AFF2: variants seen among roughly 807,000 people sequenced by gnomAD.
AFF2 encodes the protein AF4/FMR2 family member 2.
A neutral mutation model predicts 76.9 loss-of-function variants in AFF2; 14 were observed. That is an observed-to-expected ratio of 0.18 (90% CI 0.12 to 0.28). The LOEUF (loss-of-function observed/expected upper bound fraction) is 0.28. Ranked by LOEUF, AFF2 falls within the 10% of genes least tolerant of loss-of-function variation. The pLI is 1.00. For missense variants in AFF2, 868 were observed against 1,001.1 expected, an observed-to-expected ratio of 0.87 and a Z score of 1.79; for synonymous variants, 398 against 366.7, an observed-to-expected ratio of 1.09 and a Z score of -0.98.
chrX:148,919,569 T>C (rs2071569856), intron 9 of AFF2, among the ~76,000 whole-genome samples: 1 of 110,076 alleles, frequency 9.1e-6, no homozygotes, highest in South Asian at 3.8e-4. Flanking sequence ...TTTATTTATT[T>C]CAAATTCCCC....
chrX:148,601,240 C>T (rs1353939694), intron 1 of AFF2, among the ~76,000 whole-genome samples: 2 of 112,283 alleles, frequency 1.8e-5, no homozygotes, highest in African/African-American at 6.5e-5. Flanking sequence ...AATGAGGCAG[C>T]TTAAGAAGCT....
intron 3 of AFF2, among the ~76,000 whole-genome samples, chrX:148,808,041 T>A (rs2124639068): frequency 8.9e-6 from 1 of 112,510 alleles, no homozygotes; most frequent in African/African-American, 3.2e-5. Flanking sequence ...GGGAATGTAC[T>A]TTATTAAAAA....
intron 1 of AFF2, among the ~76,000 whole-genome samples, chrX:148,560,185 G>C (rs1344656538): frequency 9.0e-6 from 1 of 111,128 alleles, no homozygotes; most frequent in Non-Finnish European, 1.9e-5. Flanking sequence ...CATGGTACTG[G>C]TACCAAAACA....
intron 9 of AFF2, among the ~76,000 whole-genome samples, chrX:148,947,390 C>T (rs376590397): frequency 1.8e-4 from 20 of 112,122 alleles, no homozygotes; most frequent in African/African-American, 6.5e-4. Flanking sequence ...GGTAGGGAAG[C>T]TGCTGGGGAC....
intron 3 of AFF2, among the ~76,000 whole-genome samples, chrX:148,682,115 GGTT>G (rs2054557218): frequency 9.0e-6 from 1 of 111,722 alleles, no homozygotes; most frequent in South Asian, 3.8e-4. Flanking sequence ...TTACTCAGCT[GGTT>G]GTTGTACAGG....
chrX:148,943,645 G>A (rs1413761698), intron 9 of AFF2, among the ~76,000 whole-genome samples: 1 of 111,852 alleles, frequency 8.9e-6, no homozygotes, highest in Non-Finnish European at 1.9e-5. Flanking sequence ...AAAGTATTCT[G>A]ATCTTATTGA....
chrX:148,604,901 T>C (rs1464788834), intron 1 of AFF2, among the ~76,000 whole-genome samples: 2 of 112,060 alleles, frequency 1.8e-5, no homozygotes, highest in African/African-American at 6.5e-5. Flanking sequence ...TATTAGCTAA[T>C]TTAATGAAGA....
intron 1 of AFF2, among the ~76,000 whole-genome samples, chrX:148,638,917 T>G (rs1237958001): frequency 2.7e-5 from 3 of 112,047 alleles, no homozygotes; most frequent in Non-Finnish European, 5.6e-5. Context: ...GCTCTAACAC[T>G]TAGGACCTCT....
At chrX:148,670,820 G>A (rs241119) in intron 3 of AFF2, among the ~76,000 whole-genome samples, 8,301 of 111,465 alleles carry the variant, frequency 0.074, 333 homozygotes, top group Non-Finnish European at 0.11. Flanking sequence ...AAGTAATGCC[G>A]AACTGGCTAT....
chrX:148,760,267 A>C (rs1051812156), intron 3 of AFF2, among the ~76,000 whole-genome samples: 10 of 111,789 alleles, frequency 8.9e-5, no homozygotes, highest in African/African-American at 2.3e-4. Context: ...TTTAGAATGG[A>C]AACAGTGACA....
intron 7 of AFF2, among the ~76,000 whole-genome samples, chrX:148,868,518 G>A (rs1057412274): frequency 8.9e-6 from 1 of 112,267 alleles, no homozygotes; most frequent in African/African-American, 3.2e-5. Flanking sequence ...ATGGATTTGA[G>A]TAACTGACAA....
At chrX:148,630,127 A>T (rs1400943462) in intron 1 of AFF2, among the ~76,000 whole-genome samples, 8 of 111,253 alleles carry the variant, frequency 7.2e-5, no homozygotes, top group Admixed American at 6.7e-4. Context: ...GTGGGGTCTT[A>T]CCAGAGCTTC....
At chrX:148,893,808 C>T (rs1441151146) in intron 8 of AFF2, among the ~76,000 whole-genome samples, 1 of 111,798 alleles carries the variant, frequency 8.9e-6, no homozygotes, top group East Asian at 2.8e-4. Flanking sequence ...AGAGAGCAGC[C>T]ACCTCTGGAA....
chrX:148,535,315 G>GT (rs1569550904), intron 1 of AFF2, among the ~76,000 whole-genome samples: 2 of 111,518 alleles, frequency 1.8e-5, no homozygotes, highest in Admixed American at 9.5e-5. Flanking sequence ...TTACAAAACA[G>GT]TTTTTTTTGG....
In AFF2 at chrX:148,581,103, A is replaced by G. The variant is rs200702139; in HGVS notation, c.48-70896A>G. ...TATATACATATGTGTATATGTATATATACACATACGTATACACACATATAC... is the reference window on the plus strand; with the variant it reads ...TATATACATATGTGTATATGTATATGTACACATACGTATACACACATATAC... On this transcript the variant is annotated intron_variant, in intron 1 of 20. Coordinates refer to ENST00000370460, the MANE Select transcript of AFF2 (RefSeq NM_002025.4). Among the ~76,000 whole-genome samples, 108 of 56,323 alleles carry G rather than the reference A, an allele frequency of 1.9e-3. 5 individuals are homozygous for G. The highest frequency in any genetic ancestry group is 0.019 in the East Asian group (8 of 428). 48.9% of individuals were successfully genotyped at this position (56,323 alleles called of 115,157 possible).
chrX:148,592,173 A>G (rs902972922), intron 1 of AFF2, among the ~76,000 whole-genome samples: 1 of 111,928 alleles, frequency 8.9e-6, no homozygotes, highest in African/African-American at 3.2e-5. Flanking sequence ...TGATGACTCC[A>G]GTTGTTTTTT....
intron 1 of AFF2, among the ~76,000 whole-genome samples, chrX:148,520,794 A>G (rs2052587833): frequency 8.9e-6 from 1 of 111,888 alleles, no homozygotes. Flanking sequence ...TCCTTTTTCT[A>G]AAAAAAATAT....
chrX:148,795,087 C>T (rs1307333288), intron 3 of AFF2, among the ~76,000 whole-genome samples: 1 of 112,035 alleles, frequency 8.9e-6, no homozygotes, highest in Non-Finnish European at 1.9e-5. Flanking sequence ...CAGATGGAGA[C>T]GATGTGAAAG....
At chrX:148,772,013 G>A (rs1557268141) in intron 3 of AFF2, among the ~76,000 whole-genome samples, 1 of 111,713 alleles carries the variant, frequency 9.0e-6, no homozygotes, top group Admixed American at 9.5e-5. Context: ...ACTGGATGTA[G>A]GCAGGAGACT....
Sources: allele counts gnomAD v4.1 joint callset (sites outside exome capture counted in the v4.1 genomes callset), GRCh38; gene constraint gnomAD v4.1.1; transcripts MANE v1.5; gene names NCBI Gene and HGNC (gene_info 2026-07-23, HGNC 2026-07-21).